The following MMS22L variants were observed in gnomAD, a reference collection of about 807,000 sequenced individuals.
MMS22L encodes MMS22 like, DNA repair protein.
Under a neutral mutation model 159.1 loss-of-function variants are expected in MMS22L, and 74 were observed. The observed-to-expected ratio is 0.47, with a 90% CI of 0.39 to 0.56. MMS22L has a LOEUF of 0.56. Among genes scored for constraint, MMS22L ranks in the 20% least tolerant of loss-of-function variants. MMS22L has a pLI of 0.00. For synonymous variants in MMS22L, 517 were observed against 506.9 expected (o/e 1.02, Z -0.27); for missense variants, 1,351 against 1,422.1 (o/e 0.95, Z 0.80).
intron 22 of MMS22L, among the ~76,000 whole-genome samples, chr6:97,156,771 T>C (rs577479019): frequency 6.6e-6 from 1 of 152,334 alleles, no homozygotes; most frequent in Admixed American, 6.5e-5. Context: ...CCTGCTTTGT[T>C]CTTTTTGCTT....
chr6:97,245,130 T>C (rs1812493798), intron 11 of MMS22L, among the ~76,000 whole-genome samples: 1 of 151,866 alleles, frequency 6.6e-6, no homozygotes. Flanking sequence ...ATATAATATA[T>C]ATATTTATCC....
chr6:97,166,095 G>A (rs950379025), intron 20 of MMS22L, among the ~76,000 whole-genome samples: 1 of 152,032 alleles, frequency 6.6e-6, no homozygotes, highest in Non-Finnish European at 1.5e-5. Flanking sequence ...GAAAAGTGAA[G>A]AGTTTAATAC....
At chr6:97,208,857 T>C (rs994396279) in intron 14 of MMS22L, among the ~76,000 whole-genome samples, 1 of 152,066 alleles carries the variant, frequency 6.6e-6, no homozygotes, top group Non-Finnish European at 1.5e-5. Context: ...GGAGCATGTA[T>C]CCTCTGCATT....
Position 97,281,369 on chromosome 6 carries a change from T to A in MMS22L, c.165-7A>T, listed in dbSNP as rs770346992. ...GTCAAGATTCAAAATCAATCTGAAA[T>A]GAAAATTGTTTCAATCTCATAAAAA... On this transcript the variant is annotated splice_polypyrimidine_tract_variant and splice_region_variant and intron_variant, in intron 2 of 24. Transcript: ENST00000683635. 1 of 1,587,272 alleles carries A rather than the reference T, an allele frequency of 6.3e-7. No homozygotes were observed. Among genetic ancestry groups the A allele is most frequent in the South Asian group, 1.1e-5 (1 of 87,792 alleles).
Position 97,272,739 on chromosome 6 carries a change from T to A in MMS22L, c.571A>T (p.Asn191Tyr), listed in dbSNP as rs772162146. The A allele has an allele frequency of 6.2e-7, 1 of 1,612,906 alleles. No homozygotes were observed. Among genetic ancestry groups the A allele is most frequent in the South Asian group, 1.1e-5 (1 of 90,564 alleles). The change falls in exon 6 of 25, where the codon AAT becomes TAT. Residue 191 changes from asparagine to tyrosine, a missense_variant. Transcript: ENST00000683635. ...IGHLSELPSV[N>Y]IGAFVNQNQI... The stretch of plus-strand genomic sequence containing the variant: ...TTTTGATTTACAAATGCTCCTATAT[T>A]AACACTGGGAAGTTCAGATAGGTGT...
At chr6:97,244,120 T>C (rs1280210338) in intron 11 of MMS22L, among the ~76,000 whole-genome samples, 2 of 152,162 alleles carry the variant, frequency 1.3e-5, no homozygotes, top group African/African-American at 2.4e-5. Flanking sequence ...GTAATGAAAT[T>C]AGATGTTGTT....
chr6:97,189,922 T>G (rs1275695072), intron 14 of MMS22L, among the ~76,000 whole-genome samples: 1 of 152,140 alleles, frequency 6.6e-6, no homozygotes, highest in Non-Finnish European at 1.5e-5. Flanking sequence ...AAGAAATCAG[T>G]GAGTGACAAA....
Position 97,203,723 on chromosome 6 carries a change from C to T in MMS22L, c.2040-17033G>A, listed in dbSNP as rs147288502. On this transcript the variant is annotated intron_variant, in intron 14 of 24. Coordinates refer to ENST00000683635, the MANE Select transcript of MMS22L (RefSeq NM_001350599.2). Reference sequence around the variant, plus strand: ...AAGTCTCTACCTAATCTACCCAGAGCTGGGACAATCAATGAATTTCTGAAT... The same window carrying T: ...AAGTCTCTACCTAATCTACCCAGAGTTGGGACAATCAATGAATTTCTGAAT... 4.1e-4 allele frequency among the ~76,000 whole-genome samples: 63 copies of T among 152,264 alleles called. No homozygotes were observed. In the East Asian group the frequency reaches 0.01, roughly 25 times the overall value.
chr6:97,147,643 A>G (rs1289029446), intron 24 of MMS22L, among the ~76,000 whole-genome samples: 6 of 152,194 alleles, frequency 3.9e-5, no homozygotes, highest in Admixed American at 3.9e-4. Context: ...TCTGTGCATG[A>G]GCTTGTTTTG....
chr6:97,164,534 A>G (rs1001527496), intron 21 of MMS22L, among the ~76,000 whole-genome samples: 1 of 103,082 alleles, frequency 9.7e-6, no homozygotes, highest in Non-Finnish European at 2.0e-5. Context: ...CTGAGTTAAG[A>G]CTAAACTAAC....
chr6:97,196,059 T>C (rs1284349843), intron 14 of MMS22L, among the ~76,000 whole-genome samples: 5 of 152,180 alleles, frequency 3.3e-5, no homozygotes, highest in Non-Finnish European at 1.5e-5. Context: ...TTTGGAAATC[T>C]GGACCTAGAG....
At chr6:97,227,356 G>A (rs1307054918) in intron 14 of MMS22L, among the ~76,000 whole-genome samples, 1 of 151,880 alleles carries the variant, frequency 6.6e-6, no homozygotes, top group Non-Finnish European at 1.5e-5. Flanking sequence ...CATCTTTTGG[G>A]GACTATAGTT....
rs1321328257 is a variant in MMS22L at position 97,215,109 on chromosome 6, TA to T, written c.2039+13784del. On this transcript the variant is annotated intron_variant, in intron 14 of 24. Coordinates refer to ENST00000683635, the MANE Select transcript of MMS22L (RefSeq NM_001350599.2). ...TGTTTTAAATATATATATATATATA[TA>T]TATATTTTTTTTTTGCATTGTTTCA... is the stretch of plus-strand genomic sequence containing the variant. 4.5e-3 allele frequency among the ~76,000 whole-genome samples: 359 copies of T among 80,560 alleles called. 4 individuals carry two copies. Among genetic ancestry groups the T allele is most frequent in the Middle Eastern group, 7.9e-3 (1 of 126 alleles). 52.9% of individuals were successfully genotyped at this position (80,560 alleles called of 152,430 possible). A position where few individuals can be genotyped will look rare whatever the true frequency, so the allele number is the denominator to read the frequency against.
intron 21 of MMS22L, among the ~76,000 whole-genome samples, chr6:97,163,029 C>A (rs1479403008): frequency 6.6e-6 from 1 of 151,810 alleles, no homozygotes; most frequent in East Asian, 1.9e-4. Flanking sequence ...AGGACAGGAA[C>A]TATGTCTTAG....
intron 14 of MMS22L, among the ~76,000 whole-genome samples, chr6:97,214,628 TGTA>T (rs1156629010): frequency 6.6e-6 from 1 of 151,466 alleles, no homozygotes; most frequent in Non-Finnish European, 1.5e-5. Context: ...AAATTACAGC[TGTA>T]GGAGTAAAAT....
intron 19 of MMS22L, 151 bp from the exon 20 acceptor site, chr6:97,168,391 G>A (rs1803197357): frequency 1.6e-6 from 1 of 632,104 alleles, no homozygotes; most frequent in East Asian, 2.9e-5. Flanking sequence ...AAATATTTAT[G>A]TCAATTCATA....
chr6:97,271,963 T>C (rs113873539), intron 6 of MMS22L: 2 of 152,340 alleles, frequency 1.3e-5, no homozygotes, highest in African/African-American at 2.4e-5. Context: ...TGAGCTACCA[T>C]GCTTAGCCGT....
At chr6:97,199,301 A>T (rs2128297689) in intron 14 of MMS22L, among the ~76,000 whole-genome samples, 1 of 152,282 alleles carries the variant, frequency 6.6e-6, no homozygotes, top group South Asian at 2.1e-4. Flanking sequence ...TGTTGGTAAT[A>T]AATTTTTATA....
intron 14 of MMS22L, among the ~76,000 whole-genome samples, chr6:97,215,506 G>C (rs548930891): frequency 6.6e-5 from 10 of 152,070 alleles, no homozygotes; most frequent in African/African-American, 1.7e-4. Context: ...TTTGCACACC[G>C]GGGTTACTCC....
Sources: allele counts gnomAD v4.1 joint callset (sites outside exome capture counted in the v4.1 genomes callset), GRCh38; gene constraint gnomAD v4.1.1; transcripts MANE v1.5; gene names NCBI Gene and HGNC (gene_info 2026-07-23, HGNC 2026-07-21).